The following DACH2 variants were observed in gnomAD, a reference collection of about 807,000 sequenced individuals.
DACH2 encodes the protein dachshund family transcription factor 2.
A neutral mutation model predicts 35.8 loss-of-function variants in DACH2; 17 were observed. That is an observed-to-expected ratio of 0.48 (90% CI 0.33 to 0.71). DACH2 has a LOEUF of 0.71. DACH2 is among the 30% of genes least tolerant of loss of function. DACH2 has a pLI of 0.02. For synonymous variants in DACH2, 195 were observed against 177.3 expected (o/e 1.10, Z -0.79); for missense variants, 469 against 472.7 (o/e 0.99, Z 0.07).
Position 86,769,931 on chromosome X carries a change from G to A in DACH2, c.1240+30049G>A, listed in dbSNP as rs759275732. Among the ~76,000 whole-genome samples, 6 of 109,022 alleles carry A rather than the reference G, an allele frequency of 5.5e-5. No homozygotes were observed. In the South Asian group the frequency reaches 2.5e-3, roughly 45 times the overall value. The allele number at this position is 109,022 out of a possible 115,157, so 94.7% of individuals were successfully genotyped here. On this transcript the variant is annotated intron_variant, in intron 7 of 11. Transcript: ENST00000373125. ...AATCCCAGCACTTTGGGAGGCTGAGGCGGGAGGATTGTCTGAGCCCAGGAG... is the reference window on the plus strand; with the variant it reads ...AATCCCAGCACTTTGGGAGGCTGAGACGGGAGGATTGTCTGAGCCCAGGAG...
At chrX:86,178,136 A>G (rs1435096454) in intron 1 of DACH2, among the ~76,000 whole-genome samples, 3 of 111,616 alleles carry the variant, frequency 2.7e-5, no homozygotes, top group Non-Finnish European at 5.7e-5. Flanking sequence ...GCCTGAGGAA[A>G]CTGTTATCAG....
chrX:86,180,000 T>G lies in DACH2; in HGVS notation c.488+30892T>G, dbSNP rs1195864866. ...AGATCTTGCCTTGATTTTGTGCTTC[T>G]GCCTCCAGACACTGATTGTGAAGAG... On this transcript the variant is annotated intron_variant, in intron 1 of 11. Transcript: ENST00000373125. Among the ~76,000 whole-genome samples the G allele has an allele frequency of 2.8e-5, 3 of 107,759 alleles. No individual in the cohort carries two copies. The East Asian group carries it at 8.6e-4, about 31-fold the overall frequency. The allele number at this position is 107,759 out of a possible 115,157, so 93.6% of individuals were successfully genotyped here.
chrX:86,220,644 C>T (rs1387287228), intron 1 of DACH2, among the ~76,000 whole-genome samples: 4 of 111,959 alleles, frequency 3.6e-5, no homozygotes, highest in Admixed American at 1.9e-4. Context: ...GGGTTGTCTT[C>T]GTGTTTTGGC....
chrX:86,356,640 C>T (rs1310999275), intron 1 of DACH2, among the ~76,000 whole-genome samples: 3 of 111,249 alleles, frequency 2.7e-5, no homozygotes, highest in African/African-American at 9.8e-5. Context: ...GCCATTTAAA[C>T]AATATTGATT....
Position 86,826,150 on chromosome X carries a change from T to G in DACH2, c.1751-5956T>G, listed in dbSNP as rs146262528. Among the ~76,000 whole-genome samples the G allele has an allele frequency of 2.4e-3, 266 of 111,581 alleles. 1 individual carries two copies. Among genetic ancestry groups the G allele is most frequent in the African/African-American group, 8.5e-3 (261 of 30,761 alleles). ...GTGCTCTCCCATAGATAGTTATGGTTAATGACATCTCTACATTTTATCCCC... is the reference window on the plus strand; with the variant it reads ...GTGCTCTCCCATAGATAGTTATGGTGAATGACATCTCTACATTTTATCCCC... On this transcript the variant is annotated intron_variant, in intron 11 of 11. Coordinates refer to ENST00000373125, the MANE Select transcript of DACH2 (RefSeq NM_053281.3).
At chrX:86,523,819 T>A (rs955398843) in intron 3 of DACH2, among the ~76,000 whole-genome samples, 1 of 111,020 alleles carries the variant, frequency 9.0e-6, no homozygotes, top group Non-Finnish European at 1.9e-5. Context: ...CAGGAGCAAT[T>A]GGGGAAGTCA....
chrX:86,770,695 A>T (rs924790872), intron 7 of DACH2, among the ~76,000 whole-genome samples: 1 of 112,028 alleles, frequency 8.9e-6, no homozygotes, highest in Admixed American at 9.5e-5. Context: ...GGCAAATTTT[A>T]TCTATAACCA....
At chrX:86,546,684 T>G (rs754121857) in intron 3 of DACH2, among the ~76,000 whole-genome samples, 4 of 105,635 alleles carry the variant, frequency 3.8e-5, no homozygotes, top group South Asian at 8.7e-4. Flanking sequence ...TGTCTAATTT[T>G]TTTGTATTTT....
intron 1 of DACH2, among the ~76,000 whole-genome samples, chrX:86,333,325 CA>C (rs749751639): frequency 1.8e-5 from 2 of 111,655 alleles, no homozygotes; most frequent in Non-Finnish European, 3.8e-5. Flanking sequence ...TGTTTAATTT[CA>C]AAAGACTGTC....
intron 3 of DACH2, among the ~76,000 whole-genome samples, chrX:86,600,611 G>A (rs2039777488): frequency 8.9e-6 from 1 of 111,851 alleles, no homozygotes; most frequent in African/African-American, 3.3e-5. Context: ...TTGGTCAGTG[G>A]TATATCTGTT....
chrX:86,821,080 T>C lies in DACH2; in HGVS notation c.1750+4981T>C, dbSNP rs1255014035. ...AAGGAGAACAGATGGAATTTTATTA[T>C]AGACTTTTCTAATTTCCTCCACCAC... is the stretch of plus-strand genomic sequence containing the variant. On this transcript the variant is annotated intron_variant, in intron 11 of 11. Coordinates refer to ENST00000373125, the MANE Select transcript of DACH2 (RefSeq NM_053281.3). Among the ~76,000 whole-genome samples, 7 of 111,211 alleles carry C rather than the reference T, an allele frequency of 6.3e-5. No individual in the cohort carries two copies. In the East Asian group the frequency reaches 1.7e-3, roughly 27 times the overall value.
chrX:86,625,228 G>GTA (rs1466977885), intron 3 of DACH2, among the ~76,000 whole-genome samples: 8 of 76,723 alleles, frequency 1.0e-4, no homozygotes, highest in Non-Finnish European at 1.8e-4. Context: ...GTGTGTGTGT[G>GTA]TGTGTGTGTG....
intron 4 of DACH2, among the ~76,000 whole-genome samples, chrX:86,681,089 T>C (rs1223872359): frequency 9.0e-6 from 1 of 111,658 alleles, no homozygotes; most frequent in East Asian, 2.8e-4. Flanking sequence ...TCTGACTCCT[T>C]TCTATCTTGC....
intron 1 of DACH2, among the ~76,000 whole-genome samples, chrX:86,257,206 T>C (rs1207430297): frequency 4.5e-5 from 5 of 111,955 alleles, no homozygotes; most frequent in African/African-American, 1.6e-4. Context: ...GTTAGTATCA[T>C]CTTAATCATC....
chrX:86,742,629 T>A (rs1434300386), intron 7 of DACH2: 2 of 256,943 alleles, frequency 7.8e-6, no homozygotes, highest in Non-Finnish European at 1.5e-5. Flanking sequence ...CTCAGTTACA[T>A]CTCTTATTTA....
At chrX:86,740,470 A>G (rs1176729822) in intron 7 of DACH2, among the ~76,000 whole-genome samples, 1 of 103,936 alleles carries the variant, frequency 9.6e-6, no homozygotes, top group Non-Finnish European at 2.0e-5. Context: ...GTCATTTAGC[A>G]TTAGGTATAT....
At chrX:86,819,651 G>T (rs1187133414) in intron 11 of DACH2, among the ~76,000 whole-genome samples, 1 of 111,546 alleles carries the variant, frequency 9.0e-6, no homozygotes, top group Non-Finnish European at 1.9e-5. Flanking sequence ...TTACTCCCCA[G>T]TCAAACTTCA....
intron 11 of DACH2, chrX:86,827,641 C>A: frequency 1.9e-6 from 1 of 524,600 alleles, no homozygotes; most frequent in Non-Finnish European, 3.3e-6. Context: ...AAATCTTGAA[C>A]ATATATAGCA....
At chrX:86,207,142 T>C (rs758317046) in intron 1 of DACH2, among the ~76,000 whole-genome samples, 6 of 111,343 alleles carry the variant, frequency 5.4e-5, no homozygotes, top group East Asian at 2.8e-4. Flanking sequence ...TGAACAAAGA[T>C]GTAAAATAAA....
Sources: gnomAD v4.1 joint callset for allele counts (sites outside exome capture counted in the v4.1 genomes callset) on GRCh38, gnomAD v4.1.1 for gene constraint, MANE v1.5 for transcripts, NCBI Gene and HGNC (gene_info 2026-07-23, HGNC 2026-07-21) for gene names.